The following ATXN10 variants were observed in gnomAD, a reference collection of about 807,000 sequenced individuals.
The protein encoded by ATXN10 is ataxin 10.
ATXN10 carries 28 observed loss-of-function variants against 52.9 expected under a neutral mutation model. The ratio of observed to expected loss-of-function variants is 0.53; its 90% CI spans 0.39 to 0.73. ATXN10 has a LOEUF of 0.73. ATXN10 is among the 30% of genes least tolerant of loss of function. The probability of loss-of-function intolerance (pLI) is 0.00; values close to 1 mark genes in which losing one functional copy is unlikely to be tolerated. For missense variants in ATXN10, 565 were observed against 577.0 expected (o/e 0.98, Z 0.21); for synonymous variants, 226 against 221.5 (o/e 1.02, Z -0.18).
intron 10 of ATXN10, among the ~76,000 whole-genome samples, chr22:45,831,501 CA>C (rs369794415): frequency 3.3e-5 from 5 of 151,586 alleles, no homozygotes; most frequent in African/African-American, 7.3e-5. Context: ...TCTTCAGGGT[CA>C]AAAAAAAGCA....
Position 45,823,807 on chromosome 22 carries a change from C to CA in ATXN10, c.1237+16791dup. ...AGCTGCCAGGGATACAATGGTTGAT[C>CA]AAAAAAGAGACACTGTGTGCTCCCA... On this transcript the variant is annotated intron_variant, in intron 10 of 11. Coordinates refer to ENST00000252934, the MANE Select transcript of ATXN10 (RefSeq NM_013236.4). The surrounding 1 kb of genome is among the most constrained non-coding windows in gnomAD (Gnocchi z 4.9). Among the ~76,000 whole-genome samples, 1 of 152,180 alleles carries CA rather than the reference C, an allele frequency of 6.6e-6. No individual in the cohort carries two copies. The highest frequency in any genetic ancestry group is 1.9e-4 in the East Asian group (1 of 5,178).
Position 45,740,430 on chromosome 22 carries a change from T to G in ATXN10, c.1065T>G (p.Gly355=). ...KETTNIFSNC[G]CVRAEGDISN... ...CCACAAACATCTTCAGTAATTGTGG[T>G]TGCGTGAGAGCAGAAGGTGACATCT... The change falls in exon 9 of 12, where the codon GGT becomes GGG. Residue 355 remains glycine (G), a synonymous_variant. Coordinates refer to ENST00000252934, the MANE Select transcript of ATXN10 (RefSeq NM_013236.4). 1 of 1,613,934 alleles carries G rather than the reference T, an allele frequency of 6.2e-7. No homozygotes were observed. Among genetic ancestry groups the G allele is most frequent in the East Asian group, 2.2e-5 (1 of 44,856 alleles).
intron 5 of ATXN10, among the ~76,000 whole-genome samples, chr22:45,704,597 C>A (rs1601597580): frequency 6.6e-6 from 1 of 152,270 alleles, no homozygotes; most frequent in East Asian, 1.9e-4. Context: ...TGTAGAAATA[C>A]AACTGATTTT....
rs555679790 is a variant in ATXN10 at position 45,823,732 on chromosome 22, C to T, written c.1237+16710C>T. ...GTATCATTATGTTCATGGATTTATT[C>T]GGCAGGTGTTTATTGAGTAGCTGGC... On this transcript the variant is annotated intron_variant, in intron 10 of 11. Coordinates refer to ENST00000252934, the MANE Select transcript of ATXN10 (RefSeq NM_013236.4). This position sits in a 1 kb window ranked among gnomAD's most constrained non-coding sequence, Gnocchi z 4.9. Among the ~76,000 whole-genome samples, 2 of 152,254 alleles carry T rather than the reference C, an allele frequency of 1.3e-5. No individual in the cohort carries two copies. The highest frequency in any genetic ancestry group is 2.1e-4 in the South Asian group (1 of 4,820).
intron 9 of ATXN10, among the ~76,000 whole-genome samples, chr22:45,785,100 A>G (rs528612776): frequency 2.5e-4 from 38 of 152,354 alleles, no homozygotes; most frequent in African/African-American, 8.7e-4. Flanking sequence ...GTGCCGAAAC[A>G]GCTTTTCAGA....
rs998668766 is a variant in ATXN10 at position 45,733,882 on chromosome 22, A to G, written c.894+4292A>G. Among the ~76,000 whole-genome samples, 2 of 147,410 alleles carry G rather than the reference A, an allele frequency of 1.4e-5. No homozygotes were observed. The highest frequency in any genetic ancestry group is 5.0e-5 in the African/African-American group (2 of 39,856). ...TCTTTTTTTGTATATACACACCTAT[A>G]TGTTTTTTGTTTTCATTTTTTGCAC... On this transcript the variant is annotated intron_variant, in intron 7 of 11. Transcript: ENST00000252934. This position sits in a 1 kb window ranked among gnomAD's most constrained non-coding sequence, Gnocchi z 4.4.
At chr22:45,676,128 C>T (rs143738902) in intron 1 of ATXN10, 13 of 150,470 alleles carry the variant, frequency 8.6e-5, no homozygotes, top group African/African-American at 2.9e-4. Context: ...TTTTTTTTTC[C>T]GAGACAGGGC....
In ATXN10 at chr22:45,696,494, G is replaced by T. The variant is rs1468949974; in HGVS notation, c.391+3416G>T. 6.6e-6 allele frequency among the ~76,000 whole-genome samples: 1 copy of T among 152,232 alleles called. No homozygotes were observed. The highest frequency in any genetic ancestry group is 1.5e-5 in the Non-Finnish European group (1 of 68,040). On this transcript the variant is annotated intron_variant, in intron 3 of 11. Coordinates refer to ENST00000252934, the MANE Select transcript of ATXN10 (RefSeq NM_013236.4). This position sits in a 1 kb window ranked among gnomAD's most constrained non-coding sequence, Gnocchi z 4.7. ...AAATGCTGTGATTAAATAACTATTAGAATGGAGCCAGCCCCTCCACCATGT... is the reference window on the plus strand; with the variant it reads ...AAATGCTGTGATTAAATAACTATTATAATGGAGCCAGCCCCTCCACCATGT...
Position 45,688,312 on chromosome 22 carries a change from A to G in ATXN10, c.117-1400A>G, listed in dbSNP as rs76491128. On this transcript the variant is annotated intron_variant, in intron 1 of 11. Transcript: ENST00000252934. This position sits in a 1 kb window ranked among gnomAD's most constrained non-coding sequence, Gnocchi z 4.0. ...GTTTCCCAGTTTTTAATTAATTTAT[A>G]CTCTGCCTCTTTCAAAACCAAGTTT... Among the ~76,000 whole-genome samples, 5,491 of 152,070 alleles carry G rather than the reference A, an allele frequency of 0.036. 273 individuals are homozygous for G. Among genetic ancestry groups the G allele is most frequent in the African/African-American group, 0.12 (4,889 of 41,452 alleles).
At chr22:45,685,456 G>T (rs1217495374) in intron 1 of ATXN10, among the ~76,000 whole-genome samples, 3 of 152,196 alleles carry the variant, frequency 2.0e-5, no homozygotes, top group Middle Eastern at 6.8e-3. Context: ...TTTTAAAGTC[G>T]CTGTACATTT....
At chr22:45,736,479 G>C (rs1157753733) in intron 7 of ATXN10, among the ~76,000 whole-genome samples, 12 of 147,250 alleles carry the variant, frequency 8.1e-5, no homozygotes, top group Non-Finnish European at 5.9e-5. Context: ...ACAGATAAGG[G>C]CCACCTTATC....
chr22:45,694,963 A>G (rs957141644), intron 3 of ATXN10, among the ~76,000 whole-genome samples: 1 of 150,838 alleles, frequency 6.6e-6, no homozygotes, highest in Admixed American at 6.6e-5. Flanking sequence ...AAAAAAAAAA[A>G]AAACAAAACC....
chr22:45,795,247 T>C lies in ATXN10; in HGVS notation c.1174-11712T>C, dbSNP rs1288270273. On this transcript the variant is annotated intron_variant, in intron 9 of 11. Transcript: ENST00000252934. The surrounding 1 kb of genome is among the most constrained non-coding windows in gnomAD (Gnocchi z 4.6). ...GAGTCTGGAAAATAAGAACAAAGAATAGTGAAGACAAATAGAAAACAGATG... is the reference window on the plus strand; with the variant it reads ...GAGTCTGGAAAATAAGAACAAAGAACAGTGAAGACAAATAGAAAACAGATG... 1.3e-5 allele frequency among the ~76,000 whole-genome samples: 2 copies of C among 152,032 alleles called. No homozygotes were observed. Among genetic ancestry groups the C allele is most frequent in the Non-Finnish European group, 2.9e-5 (2 of 67,994 alleles).
At chr22:45,779,583 C>T (rs1196064043) in intron 9 of ATXN10, among the ~76,000 whole-genome samples, 3 of 152,208 alleles carry the variant, frequency 2.0e-5, no homozygotes, top group Non-Finnish European at 4.4e-5. Flanking sequence ...CCTCAGTAGG[C>T]ATCTTTGTCA....
chr22:45,841,190 G>C lies in ATXN10; in HGVS notation c.1238-1801G>C, dbSNP rs1197330057. On this transcript the variant is annotated intron_variant, in intron 10 of 11. Transcript: ENST00000252934. The surrounding 1 kb of genome is among the most constrained non-coding windows in gnomAD (Gnocchi z 5.1). Reference sequence around the variant, plus strand: ...ATTCTGTCTCCAGAAAGGAAATGCAGCCATATAAAGGACCTGGACTTTGTC... The same window carrying C: ...ATTCTGTCTCCAGAAAGGAAATGCACCCATATAAAGGACCTGGACTTTGTC... Among the ~76,000 whole-genome samples the C allele has an allele frequency of 2.0e-5, 3 of 152,218 alleles. No individual in the cohort carries two copies. The highest frequency in any genetic ancestry group is 4.4e-5 in the Non-Finnish European group (3 of 68,032).
chr22:45,742,682 A>G (rs1925582863), intron 9 of ATXN10, among the ~76,000 whole-genome samples: 1 of 152,184 alleles, frequency 6.6e-6, no homozygotes, highest in African/African-American at 2.4e-5. Flanking sequence ...TTAGGATGCT[A>G]AATGTTAGGG....
At chr22:45,797,000 A>G (rs11912672) in intron 9 of ATXN10, among the ~76,000 whole-genome samples, 2,588 of 152,352 alleles carry the variant, frequency 0.017, 87 homozygotes, top group African/African-American at 0.059. Flanking sequence ...GTGATATTTC[A>G]TAATGATTAA....
chr22:45,691,459 G>A lies in ATXN10; in HGVS notation c.309-1537G>A, dbSNP rs541206805. On this transcript the variant is annotated intron_variant, in intron 2 of 11. Coordinates refer to ENST00000252934, the MANE Select transcript of ATXN10 (RefSeq NM_013236.4). ...TTTCATTTTTACAAAAGATGAAACTGTAACTTGGAGAGGTTAAATAACTTG... is the reference window on the plus strand; with the variant it reads ...TTTCATTTTTACAAAAGATGAAACTATAACTTGGAGAGGTTAAATAACTTG... 6.6e-5 allele frequency among the ~76,000 whole-genome samples: 10 copies of A among 152,370 alleles called. No homozygotes were observed. The South Asian group carries it at 8.3e-4, about 13-fold the overall frequency.
chr22:45,788,075 ACC>A (rs976851610), intron 9 of ATXN10, among the ~76,000 whole-genome samples: 21 of 152,162 alleles, frequency 1.4e-4, no homozygotes, highest in African/African-American at 4.8e-4. Context: ...GTCTCCATCT[ACC>A]CGCTTTAGGA....
Sources: allele counts gnomAD v4.1 joint callset (sites outside exome capture counted in the v4.1 genomes callset), GRCh38; gene constraint gnomAD v4.1.1; non-coding constraint Gnocchi (gnomAD v3.1); transcripts MANE v1.5; gene names NCBI Gene and HGNC (gene_info 2026-07-23, HGNC 2026-07-21).